The following CDH18 variants were observed in gnomAD, a reference collection of about 807,000 sequenced individuals.
The protein encoded by CDH18 is cadherin-18.
CDH18 carries 31 observed loss-of-function variants against 67.9 expected under a neutral mutation model. The ratio of observed to expected loss-of-function variants is 0.46; its 90% CI spans 0.34 to 0.62. The LOEUF (loss-of-function observed/expected upper bound fraction) is 0.62, where lower values mean the gene tolerates loss of function less well. Ranked by LOEUF, CDH18 falls within the 20% of genes least tolerant of loss-of-function variation. CDH18 has a pLI of 0.01. For missense variants in CDH18, 890 were observed against 975.5 expected (o/e 0.91, Z 1.17); for synonymous variants, 362 against 347.2 (o/e 1.04, Z -0.48).
At position 19,859,170 on chromosome 5, in the gene CDH18, C is replaced by A. The variant is rs116807329; in HGVS notation, c.-256-19928G>T. ...TCAGCCAAGGGCATTCCAAAGTTAA[C>A]CTGAAAAACTAGTTCAGGCCATGAT... is the stretch of plus-strand genomic sequence containing the variant. On this transcript the variant is annotated intron_variant, in intron 2 of 12. Coordinates refer to ENST00000382275, the MANE Select transcript of CDH18 (RefSeq NM_004934.5). Among the ~76,000 whole-genome samples the A allele has an allele frequency of 7.2e-3, 1,090 of 152,166 alleles. 7 individuals carry two copies. Among genetic ancestry groups the A allele is most frequent in the Non-Finnish European group, 0.011 (768 of 68,022 alleles).
chr5:20,302,515 T>C (rs555328966), intron 1 of CDH18, among the ~76,000 whole-genome samples: 72 of 152,212 alleles, frequency 4.7e-4, no homozygotes, highest in African/African-American at 1.6e-3. Flanking sequence ...AGCCACACAC[T>C]AGGCCAAATT....
At chr5:19,972,251 CT>C (rs1432856327) in intron 2 of CDH18, among the ~76,000 whole-genome samples, 2 of 151,962 alleles carry the variant, frequency 1.3e-5, no homozygotes, top group Non-Finnish European at 2.9e-5. Flanking sequence ...TCCTTAGCAT[CT>C]TGAAATAAAT....
intron 2 of CDH18, among the ~76,000 whole-genome samples, chr5:20,114,628 G>T (rs1302827207): frequency 6.6e-6 from 1 of 152,036 alleles, no homozygotes; most frequent in East Asian, 1.9e-4. Flanking sequence ...ATTTTAATAG[G>T]TGAAATATAA....
intron 4 of CDH18, among the ~76,000 whole-genome samples, chr5:19,728,812 CT>C (rs965110990): frequency 6.6e-6 from 1 of 152,068 alleles, no homozygotes; most frequent in African/African-American, 2.4e-5. Flanking sequence ...GAGTACTTCT[CT>C]GAAGGAATCT....
chr5:20,437,500 G>A (rs1416001370), intron 1 of CDH18, among the ~76,000 whole-genome samples: 1 of 151,244 alleles, frequency 6.6e-6, no homozygotes, highest in African/African-American at 2.4e-5. Flanking sequence ...GTACTTCAGA[G>A]TAGATAGCAT....
chr5:20,144,461 G>A (rs919001344), intron 2 of CDH18, among the ~76,000 whole-genome samples: 7 of 152,098 alleles, frequency 4.6e-5, no homozygotes, highest in Non-Finnish European at 7.3e-5. Flanking sequence ...ATATTTTGAA[G>A]GAAGATAACT....
intron 2 of CDH18, among the ~76,000 whole-genome samples, chr5:20,134,212 C>A (rs1749506303): frequency 6.6e-6 from 1 of 152,080 alleles, no homozygotes; most frequent in South Asian, 2.1e-4. Flanking sequence ...CTCAAGTGAT[C>A]CACCCCTCCC....
At chr5:19,497,069 T>C (rs1016184040) in intron 11 of CDH18, among the ~76,000 whole-genome samples, 9 of 151,970 alleles carry the variant, frequency 5.9e-5, no homozygotes. Flanking sequence ...AAAAATTCTC[T>C]ATATATCAAG....
chr5:19,499,559 A>G (rs909323233), intron 11 of CDH18, among the ~76,000 whole-genome samples: 1 of 151,918 alleles, frequency 6.6e-6, no homozygotes, highest in African/African-American at 2.4e-5. Flanking sequence ...TGAATTTTCT[A>G]ATTTTTTATA....
At chr5:20,511,738 C>G (rs1422088792) in intron 1 of CDH18, among the ~76,000 whole-genome samples, 1 of 152,152 alleles carries the variant, frequency 6.6e-6, no homozygotes, top group African/African-American at 2.4e-5. Flanking sequence ...TTGTGGACCT[C>G]CTTGTCTCAT....
At chr5:20,433,837 T>C (rs927432689) in intron 1 of CDH18, among the ~76,000 whole-genome samples, 1 of 152,072 alleles carries the variant, frequency 6.6e-6, no homozygotes. Flanking sequence ...TTGTAAAGTT[T>C]CAGAAAGCCC....
chr5:19,730,829 A>G (rs1767497626), intron 4 of CDH18, among the ~76,000 whole-genome samples: 1 of 152,064 alleles, frequency 6.6e-6, no homozygotes, highest in Non-Finnish European at 1.5e-5. Context: ...GTAGCTAAGT[A>G]GAAGAACAGC....
At chr5:20,178,655 G>A (rs1737434307) in intron 2 of CDH18, among the ~76,000 whole-genome samples, 3 of 151,560 alleles carry the variant, frequency 2.0e-5, no homozygotes, top group Non-Finnish European at 4.4e-5. Flanking sequence ...TGGCAAAATG[G>A]TGAGTGGAAA....
intron 5 of CDH18, among the ~76,000 whole-genome samples, chr5:19,696,584 C>T (rs539573316): frequency 1.3e-4 from 19 of 151,512 alleles, no homozygotes; most frequent in Admixed American, 3.3e-4. Context: ...TTAGTAGAGA[C>T]GAGGTTTCAC....
At chr5:19,876,828 G>A (rs1333465647) in intron 2 of CDH18, among the ~76,000 whole-genome samples, 1 of 152,128 alleles carries the variant, frequency 6.6e-6, no homozygotes, top group Non-Finnish European at 1.5e-5. Flanking sequence ...TGGGCACAGA[G>A]CTATGCTAAC....
chr5:20,266,531 G>A (rs1236450807), intron 1 of CDH18, among the ~76,000 whole-genome samples: 2 of 145,852 alleles, frequency 1.4e-5, no homozygotes, highest in Non-Finnish European at 1.5e-5. Context: ...AGCCTCCTGA[G>A]TAGCTGGGAT....
chr5:20,325,070 C>T (rs1738428040), intron 1 of CDH18, among the ~76,000 whole-genome samples: 1 of 152,188 alleles, frequency 6.6e-6, no homozygotes, highest in Non-Finnish European at 1.5e-5. Flanking sequence ...ACACCTAACC[C>T]GTGGTATTTA....
chr5:20,364,720 A>C (rs1209137438), intron 1 of CDH18, among the ~76,000 whole-genome samples: 1 of 152,190 alleles, frequency 6.6e-6, no homozygotes, highest in Non-Finnish European at 1.5e-5. Flanking sequence ...CTATGTAACT[A>C]TTTCTAATGA....
intron 1 of CDH18, among the ~76,000 whole-genome samples, chr5:20,552,899 C>T (rs1011798802): frequency 5.9e-5 from 9 of 152,116 alleles, no homozygotes; most frequent in Admixed American, 3.3e-4. Flanking sequence ...AGACTACAGG[C>T]GTGCTCCATC....
Sources: allele counts gnomAD v4.1 joint callset (sites outside exome capture counted in the v4.1 genomes callset), GRCh38; gene constraint gnomAD v4.1.1; transcripts MANE v1.5; gene names NCBI Gene and HGNC (gene_info 2026-07-23, HGNC 2026-07-21).